Variants in HOOK2 observed in about 807,000 individuals in gnomAD.
HOOK2 encodes protein Hook homolog 2.
A neutral mutation model predicts 111.9 loss-of-function variants in HOOK2; 108 were observed. The ratio of observed to expected loss-of-function variants is 0.96; its 90% CI spans 0.83 to 1.13. HOOK2 has a LOEUF of 1.13. Ranked by LOEUF, HOOK2 falls within the 50% of genes most tolerant of loss-of-function variation. The pLI is 0.00. For synonymous variants in HOOK2, 405 were observed against 394.3 expected (o/e 1.03, Z -0.32); for missense variants, 978 against 951.3 (o/e 1.03, Z -0.37).
chr19:12,773,994 T>C (rs1968415904), intron 3 of HOOK2: 1 of 153,488 alleles, frequency 6.5e-6, no homozygotes, highest in Non-Finnish European at 1.5e-5. Flanking sequence ...GATTAACCCA[T>C]CTGATGTAAT....
At chr19:12,769,845 G>A (rs1267932392) in intron 11 of HOOK2, 36 bp downstream of exon 11, 26 of 1,376,406 alleles carry the variant, frequency 1.9e-5, no homozygotes, top group Non-Finnish European at 2.3e-5. Flanking sequence ...TGCTGCCAGG[G>A]GCGGGGCCCC....
chr19:12,780,543 A>G (rs1206311553), upstream of HOOK2, among the ~76,000 whole-genome samples: 1 of 146,576 alleles, frequency 6.8e-6, no homozygotes, highest in Non-Finnish European at 1.5e-5. Context: ...TTTTTAGTAG[A>G]GACGAGGTTT....
upstream of HOOK2, among the ~76,000 whole-genome samples, chr19:12,781,616 G>A (rs62108403): frequency 0.032 from 4,935 of 152,210 alleles, 107 homozygotes; most frequent in Non-Finnish European, 0.049. Flanking sequence ...GTAAGCCATC[G>A]CGCCCGGCCG....
chr19:12,779,162 T>A (rs375406159), upstream of HOOK2, among the ~76,000 whole-genome samples: 4 of 152,184 alleles, frequency 2.6e-5, no homozygotes, highest in Admixed American at 1.3e-4. Context: ...GCCCACCCCC[T>A]CTACTGGTTT....
In HOOK2 at chr19:12,764,845, C is replaced by T; in HGVS notation, c.1796G>A (p.Arg599Gln). The T allele has an allele frequency of 1.9e-6, 3 of 1,613,994 alleles. No individual in the cohort carries two copies. The highest frequency in any genetic ancestry group is 2.2e-5 in the East Asian group (1 of 44,882). The part of the protein sequence containing the change: ...KDADLRAMEE[R>Q]YRRYVDKARM... ...GGCCTTGTCCACGTAGCGGCGGTAT[C>T]GCTCCTCCATGGCCCGCAAGTCCGC... The change falls in exon 20 of 23, where the codon CGA becomes CAA. Residue 599 changes from arginine to glutamine, a missense_variant. Arg to Gln is a conservative substitution (Grantham distance 43). This residue lies in a region of HOOK2 where 277 missense variants were observed against 265.8 expected (regional missense o/e 1.04). Coordinates refer to ENST00000397668, the MANE Select transcript of HOOK2 (RefSeq NM_013312.3).
Position 12,775,422 on chromosome 19 carries a change from C to G in HOOK2, c.28G>C (p.Gly10Arg). 6.2e-7 allele frequency: 1 copy of G among 1,612,832 alleles called. No homozygotes were observed. Among genetic ancestry groups the G allele is most frequent in the Non-Finnish European group, 8.5e-7 (1 of 1,179,634 alleles). ...CGACCTACCCAGGTGAGCAGAGACC[C>G]GCATAGCTCAGCTTTGTCCACGCTC... Reference protein sequence around the residue: MSVDKAELCGSLLTWLQTFH... With the variant: MSVDKAELCRSLLTWLQTFH... Residue 10 changes from glycine to arginine, a missense_variant, in exon 1 of 23, where the codon GGG becomes CGG. Physicochemically the swap from Gly to Arg is moderately radical, Grantham distance 125. Around this residue, in one of 5 missense-constraint regions of HOOK2, gnomAD observed 301 missense variants for 286.1 expected, o/e 1.05. Coordinates refer to ENST00000397668, the MANE Select transcript of HOOK2 (RefSeq NM_013312.3).
upstream of HOOK2, among the ~76,000 whole-genome samples, chr19:12,777,060 G>A (rs559570595): frequency 1.3e-4 from 20 of 152,002 alleles, no homozygotes; most frequent in South Asian, 4.1e-3. Flanking sequence ...GGGAGGTTGA[G>A]GCAGGAGAAT....
rs1201284857 is a variant in HOOK2, at chr19:12,774,883, G to A, written c.60C>T (p.His20=). 1 of 1,613,876 alleles carries A rather than the reference G, an allele frequency of 6.2e-7. No homozygotes were observed. The highest frequency in any genetic ancestry group is 1.3e-5 in the African/African-American group (1 of 75,060). The change falls in exon 2 of 23, where the codon CAC becomes CAT. Residue 20 remains histidine (H), a synonymous_variant. Transcript: ENST00000397668. ...GAGGGCTGGCACAGGGAGACGGAAC[G>A]TGGAACGTCTGTAACTGAGGGGTAA... is the stretch of plus-strand genomic sequence containing the variant. ...GSLLTWLQTF[H]VPSPCASPQD...
Position 12,786,090 on chromosome 19 carries a change from GA to G in HOOK2, n.42-11866del, listed in dbSNP as rs1427020123. Among the ~76,000 whole-genome samples the G allele has an allele frequency of 1.3e-5, 2 of 152,290 alleles. No homozygotes were observed. The highest frequency in any genetic ancestry group is 3.9e-4 in the East Asian group (2 of 5,174). On this transcript the variant is annotated intron_variant and non_coding_transcript_variant, in intron 3 of 3. Coordinates refer to the HOOK2 transcript ENST00000589765. This position sits in a 1 kb window ranked among gnomAD's most constrained non-coding sequence, Gnocchi z 4.3. ...GAGAGACTCTCCTTCCTGCTTCCAA[GA>G]AAACCTAGCAGCTTCCTCTCCAGGA...
At chr19:12,766,851 G>A (rs1031759783) in intron 14 of HOOK2, among the ~76,000 whole-genome samples, 2 of 152,140 alleles carry the variant, frequency 1.3e-5, no homozygotes, top group East Asian at 3.9e-4. Context: ...CCGAAGTGCT[G>A]GGATTACAGG....
At chr19:12,771,731 A>G (rs1371633612) in intron 7 of HOOK2, 11 of 486,264 alleles carry the variant, frequency 2.3e-5, no homozygotes, top group Non-Finnish European at 3.4e-5. Context: ...AAAACACAAA[A>G]ATTAGCCGGG....
At chr19:12,787,486 G>A (rs1206399081) in intron 3 of HOOK2, among the ~76,000 whole-genome samples, 1 of 151,864 alleles carries the variant, frequency 6.6e-6, no homozygotes, top group African/African-American at 2.4e-5. Context: ...CAAAAAATTA[G>A]CCTGGCGTGG....
intron 3 of HOOK2, 187 bp from the exon 4 acceptor site, chr19:12,773,231 C>CTTTTTTTTTTTTTT (rs373156108): frequency 4.3e-5 from 11 of 254,998 alleles, no homozygotes; most frequent in African/African-American, 6.5e-5. Context: ...ATCTTTGTTT[C>CTTTTTTTTTTTTTT]TTTTTTTTTT....
Position 12,773,238 on chromosome 19 carries a change from T to C in HOOK2, c.205-194A>G, listed in dbSNP as rs906128190. ...GCCTGACCATCTTTGTTTCTTTTTT[T>C]TTTTTTTTTTTTTTTTGCTTTAGCT... On this transcript the variant is annotated intron_variant, in intron 3 of 22. Transcript: ENST00000397668. The C allele has an allele frequency of 9.5e-5, 45 of 474,612 alleles. No homozygotes were observed. The East Asian group carries it at 9.5e-4, about 10-fold the overall frequency. The allele number at this position is 474,612 out of a possible 1,614,324, so 29.4% of individuals were successfully genotyped here. A position where few individuals can be genotyped will look rare whatever the true frequency, so the allele number is the denominator to read the frequency against.
rs1968662398 is a variant in HOOK2 at position 12,786,824 on chromosome 19, A to G, written n.42-12599T>C. On this transcript the variant is annotated intron_variant and non_coding_transcript_variant, in intron 3 of 3. Transcript: ENST00000589765. The surrounding 1 kb of genome is among the most constrained non-coding windows in gnomAD (Gnocchi z 4.3). ...TACTCCCACATGCTGGCCTGTCCAC[A>G]GAGACCCGTGCCCCTCTGTCTGTGC... Among the ~76,000 whole-genome samples, 1 of 152,164 alleles carries G rather than the reference A, an allele frequency of 6.6e-6. No individual in the cohort carries two copies. The highest frequency in any genetic ancestry group is 2.4e-5 in the African/African-American group (1 of 41,458).
chr19:12,767,941 C>G, intron 12 of HOOK2, 38 bp from the exon 13 acceptor site: 1 of 1,611,038 alleles, frequency 6.2e-7, no homozygotes, highest in Non-Finnish European at 8.5e-7. Flanking sequence ...ACGGGTCAGG[C>G]TCGGCCTCCT....
chr19:12,770,901 C>G (rs759927612), intron 10 of HOOK2, 31 bp downstream of exon 10: 8 of 1,572,744 alleles, frequency 5.1e-6, no homozygotes, highest in Non-Finnish European at 6.1e-6. Context: ...CCCCGCCCCC[C>G]GTGATGGGGA....
chr19:12,763,111 C>G lies in HOOK2; in HGVS notation c.*171G>C, dbSNP rs1968043365. ...ACAAGAATCACATTGCTAAAAAGAA[C>G]AGGCCTATATCTACCTCCCGCCCTC... On this transcript the variant is annotated 3_prime_UTR_variant, in exon 23 of 23. Transcript: ENST00000397668. 2 of 636,116 alleles carry G rather than the reference C, an allele frequency of 3.1e-6. No homozygotes were observed. The highest frequency in any genetic ancestry group is 5.8e-5 in the East Asian group (2 of 34,518). The allele number at this position is 636,116 out of a possible 1,614,324, so 39.4% of individuals were successfully genotyped here.
Position 12,775,524 on chromosome 19 carries a change from G to A in HOOK2, c.-75C>T, listed in dbSNP as rs945182524. 7 of 1,512,422 alleles carry A rather than the reference G, an allele frequency of 4.6e-6. No homozygotes were observed. In the Admixed American group the frequency reaches 6.0e-5, roughly 13 times the overall value. 93.7% of individuals were successfully genotyped at this position (1,512,422 alleles called of 1,614,324 possible). On this transcript the variant is annotated 5_prime_UTR_variant, in exon 1 of 23. Coordinates refer to ENST00000397668, the MANE Select transcript of HOOK2 (RefSeq NM_013312.3). Reference sequence around the variant, plus strand: ...GCCTCCGGGTCCGCCACCAGCGAGCGCCCGCAGCCCCGACCTCCCGCTCGG... The same window carrying A: ...GCCTCCGGGTCCGCCACCAGCGAGCACCCGCAGCCCCGACCTCCCGCTCGG...
Sources: allele counts gnomAD v4.1 joint callset (sites outside exome capture counted in the v4.1 genomes callset), GRCh38; gene constraint gnomAD v4.1.1; regional missense constraint gnomAD v4.1.1; non-coding constraint Gnocchi (gnomAD v3.1); transcripts MANE v1.5; gene names NCBI Gene and HGNC (gene_info 2026-07-23, HGNC 2026-07-21).